Variants in USP24 observed in about 807,000 individuals in gnomAD.
The protein encoded by USP24 is ubiquitin carboxyl-terminal hydrolase 24.
A neutral mutation model predicts 361.6 loss-of-function variants in USP24; 97 were observed. The observed-to-expected ratio is 0.27, with a 90% confidence interval of 0.23 to 0.32. The LOEUF (loss-of-function observed/expected upper bound fraction) is 0.32. USP24 is among the 10% of genes least tolerant of loss of function. The pLI is 1.00. For synonymous variants in USP24, 1,098 were observed against 1,124.6 expected, an observed-to-expected ratio of 0.98 and a Z score of 0.47; for missense variants, 2,353 against 3,165.6, an observed-to-expected ratio of 0.74 and a Z score of 6.16.
rs118091437 is a variant in USP24 at position 55,130,328 on chromosome 1, T to C, written c.3538-754A>G. Among the ~76,000 whole-genome samples, 121 of 152,330 alleles carry C rather than the reference T, an allele frequency of 7.9e-4. 2 individuals are homozygous for C. In the East Asian group the frequency reaches 0.022, roughly 28 times the overall value. ...TTTTCTCATCACTAAGTGAACATAG[T>C]AGTTGCCTTTACAGGAAGATTGAAG... On this transcript the variant is annotated intron_variant, in intron 31 of 67. Transcript: ENST00000294383.
intron 55 of USP24, among the ~76,000 whole-genome samples, chr1:55,087,796 C>T (rs1267860292): frequency 6.6e-6 from 1 of 152,196 alleles, no homozygotes; most frequent in African/African-American, 2.4e-5. Context: ...TAGCAGGCAA[C>T]ATCCGTTAGA....
chr1:55,201,037 C>T (rs1644558090), intron 1 of USP24, among the ~76,000 whole-genome samples: 1 of 152,104 alleles, frequency 6.6e-6, no homozygotes, highest in African/African-American at 2.4e-5. Flanking sequence ...ATGTTCCTTC[C>T]CACCAACTGT....
At position 55,078,626 on chromosome 1, in the gene USP24, G is replaced by C. The variant is rs1412589941; in HGVS notation, c.7226C>G (p.Thr2409Arg). ...LEVMFALREL[T>R]GSLLALIEMV... ...CTCAATGAGTGCCAAGAGCGAGCCT[G>C]TCAGCTCCCGCAAAGCAAACATTAC... Residue 2409 changes from threonine to arginine, a missense_variant, in exon 61 of 68, where the codon ACA (threonine) becomes AGA (arginine). This residue lies in a region of USP24 where 598 missense variants were observed against 761.9 expected (regional missense o/e 0.78). Transcript: ENST00000294383. 6.2e-7 allele frequency: 1 copy of C among 1,609,292 alleles called. No individual in the cohort carries two copies. The highest frequency in any genetic ancestry group is 1.1e-5 in the South Asian group (1 of 90,398).
chr1:55,107,714 T>C (rs746675288), intron 39 of USP24, among the ~76,000 whole-genome samples: 2 of 151,400 alleles, frequency 1.3e-5, no homozygotes, highest in East Asian at 1.9e-4. Context: ...CGGTGGTGCA[T>C]GTCTGTAGTC....
intron 66 of USP24, 70 bp from the exon 67 acceptor site, chr1:55,071,994 G>C (rs544755127): frequency 1.3e-5 from 18 of 1,349,860 alleles, no homozygotes; most frequent in Admixed American, 3.9e-5. Context: ...CGCCAGGGAA[G>C]ACTACCTTTC....
intron 37 of USP24, among the ~76,000 whole-genome samples, chr1:55,121,107 T>G (rs1267723952): frequency 6.6e-6 from 1 of 152,250 alleles, no homozygotes; most frequent in Non-Finnish European, 1.5e-5. Context: ...GAGGTTGATC[T>G]TTCCTGATTC....
In USP24 at chr1:55,206,660, A is replaced by AG. The variant is rs1385084080; in HGVS notation, c.324+8129_324+8130insC. 2.7e-5 allele frequency among the ~76,000 whole-genome samples: 4 copies of AG among 150,816 alleles called. No individual in the cohort carries two copies. In the East Asian group the frequency reaches 7.7e-4, roughly 29 times the overall value. The stretch of plus-strand genomic sequence containing the variant: ...AGTGAATGGCAGAGAAAAACAGTAA[A>AG]AAAAAAAAAAAAAGGGTCGGGGGGG... On this transcript the variant is annotated intron_variant, in intron 1 of 67. Coordinates refer to ENST00000294383, the MANE Select transcript of USP24 (RefSeq NM_015306.3).
intron 17 of USP24, 117 bp downstream of exon 17, chr1:55,148,346 T>G (rs1647091052): frequency 1.5e-6 from 1 of 654,958 alleles, no homozygotes; most frequent in East Asian, 3.2e-5. Flanking sequence ...ATGATATAAG[T>G]GAATTACATC....
rs1195532707 is a variant in USP24, at chr1:55,069,055, ACAT to A, written c.7850_7852del (p.Asp2617del). The A allele has an allele frequency of 6.2e-7, 1 of 1,614,034 alleles. No homozygotes were observed. The highest frequency in any genetic ancestry group is 8.5e-7 in the Non-Finnish European group (1 of 1,179,902). ...GCTGGGCATGTTCCTCTAGGGATCA[ACAT>A]CATCAAGGTCACTTCTCAACTCACC... is the stretch of plus-strand genomic sequence containing the variant. On this transcript the variant is annotated inframe_deletion, in exon 68 of 68. Coordinates refer to ENST00000294383, the MANE Select transcript of USP24 (RefSeq NM_015306.3).
intron 58 of USP24, among the ~76,000 whole-genome samples, chr1:55,082,998 C>A (rs1645181317): frequency 6.6e-6 from 1 of 151,856 alleles, no homozygotes. Context: ...ACCCCAATAC[C>A]ACCTATTCCC....
At chr1:55,145,215 C>T (rs1352051820) in intron 20 of USP24, among the ~76,000 whole-genome samples, 2 of 152,146 alleles carry the variant, frequency 1.3e-5, no homozygotes, top group Admixed American at 6.5e-5. Flanking sequence ...TGAATGTTTA[C>T]AGCAGTATTA....
intron 28 of USP24, among the ~76,000 whole-genome samples, chr1:55,135,919 C>A (rs1259871795): frequency 6.6e-6 from 1 of 152,128 alleles, no homozygotes; most frequent in Non-Finnish European, 1.5e-5. Flanking sequence ...TAAACTAATT[C>A]ATGAAGTCAT....
chr1:55,215,250 G>A lies in USP24; in HGVS notation c.-137C>T, dbSNP rs1332492409. ...GCGTTCCTGCCCCGGGTGCTCCGCA[G>A]CAGCCGGGCCAGGCTGGGTGCGGGC... is the stretch of plus-strand genomic sequence containing the variant. On this transcript the variant is annotated 5_prime_UTR_variant, in exon 1 of 68. Coordinates refer to ENST00000294383, the MANE Select transcript of USP24 (RefSeq NM_015306.3). 2 of 657,600 alleles carry A rather than the reference G, an allele frequency of 3.0e-6. No individual in the cohort carries two copies. The highest frequency in any genetic ancestry group is 4.3e-5 in the East Asian group (1 of 23,294). 40.7% of individuals were successfully genotyped at this position (657,600 alleles called of 1,614,324 possible). A position where few individuals can be genotyped will look rare whatever the true frequency, so the allele number is the denominator to read the frequency against.
intron 24 of USP24, among the ~76,000 whole-genome samples, chr1:55,139,414 C>G (rs1480245830): frequency 1.3e-5 from 2 of 152,140 alleles, no homozygotes; most frequent in Non-Finnish European, 2.9e-5. Flanking sequence ...TGACAAAGTT[C>G]TGAACTGCCT....
rs371489849 is a variant in USP24 at position 55,078,622 on chromosome 1, G to A, written c.7230C>T (p.Gly2410=). 1 of 1,610,138 alleles carries A rather than the reference G, an allele frequency of 6.2e-7. No individual in the cohort carries two copies. Among genetic ancestry groups the A allele is most frequent in the Non-Finnish European group, 8.5e-7 (1 of 1,178,996 alleles). The change falls in exon 61 of 68, where the codon GGC becomes GGT. Residue 2410 remains glycine, a synonymous_variant. Transcript: ENST00000294383. ...CCATCTCAATGAGTGCCAAGAGCGA[G>A]CCTGTCAGCTCCCGCAAAGCAAACA... ...EVMFALRELT[G]SLLALIEMVV... is the part of the protein sequence containing the mutation.
intron 36 of USP24, among the ~76,000 whole-genome samples, chr1:55,121,961 A>G (rs922072936): frequency 1.3e-5 from 2 of 152,192 alleles, no homozygotes; most frequent in Non-Finnish European, 2.9e-5. Context: ...ACACTTTTTA[A>G]AAGTGGAGTT....
chr1:55,136,063 A>C (rs889360355), intron 28 of USP24, among the ~76,000 whole-genome samples: 3 of 152,178 alleles, frequency 2.0e-5, no homozygotes, highest in Non-Finnish European at 2.9e-5. Context: ...AAACAAGATA[A>C]ATAAAATATA....
intron 1 of USP24, among the ~76,000 whole-genome samples, chr1:55,183,146 A>T (rs1170558701): frequency 6.6e-6 from 1 of 152,188 alleles, no homozygotes; most frequent in Non-Finnish European, 1.5e-5. Context: ...TGAAACAGAA[A>T]TTATTATGTG....
At chr1:55,142,166 A>G (rs1401427348) in intron 23 of USP24, among the ~76,000 whole-genome samples, 2 of 152,162 alleles carry the variant, frequency 1.3e-5, no homozygotes, top group African/African-American at 4.8e-5. Context: ...CTTTTGGAAC[A>G]TTTTTGCTTA....
Sources: allele counts gnomAD v4.1 joint callset (sites outside exome capture counted in the v4.1 genomes callset), GRCh38; gene constraint gnomAD v4.1.1; regional missense constraint gnomAD v4.1.1; transcripts MANE v1.5; gene names NCBI Gene and HGNC (gene_info 2026-07-23, HGNC 2026-07-21).